RAD50: variants seen among roughly 807,000 people sequenced by gnomAD.
RAD50 encodes the protein DNA repair protein RAD50.
In RAD50, 132 loss-of-function variants were observed where a neutral mutation model predicts 168.8. The ratio of observed to expected loss-of-function variants is 0.78; its 90% CI spans 0.68 to 0.90. The LOEUF is 0.90. Among genes scored for constraint, RAD50 ranks in the 40% least tolerant of loss-of-function variants. The probability of loss-of-function intolerance (pLI) is 0.00; values close to 1 mark genes in which losing one functional copy is unlikely to be tolerated. For missense variants in RAD50, 1,347 were observed against 1,534.4 expected (o/e 0.88, Z 2.04); for synonymous variants, 525 against 497.4 (o/e 1.06, Z -0.74).
chr5:132,641,070 C>T (rs1329580672), intron 24 of RAD50, among the ~76,000 whole-genome samples: 1 of 152,134 alleles, frequency 6.6e-6, no homozygotes, highest in African/African-American at 2.4e-5. Context: ...GGGAGAGAGT[C>T]ACTGTGAGGG....
intron 8 of RAD50, 84 bp from the exon 9 acceptor site, chr5:132,589,547 C>A: frequency 9.3e-7 from 1 of 1,076,606 alleles, no homozygotes; most frequent in Non-Finnish European, 1.3e-6. Context: ...GTATTTTCTT[C>A]AGTGTACATA....
In RAD50 at chr5:132,604,829, C is replaced by A. The variant is rs181961360; in HGVS notation, c.2548C>A (p.Arg850Ser). 4 of 1,611,794 alleles carry A rather than the reference C, an allele frequency of 2.5e-6. No homozygotes were observed. Among genetic ancestry groups the A allele is most frequent in the Non-Finnish European group, 3.4e-6 (4 of 1,178,310 alleles). ...DTVSSKIELN[R>S]KLIQDQQEQI... is the part of the protein sequence containing the mutation. The stretch of plus-strand genomic sequence containing the variant: ...AGTTTCTAGTAAGATTGAATTGAAT[C>A]GTAAGCTTATACAGGACCAGCAGGA... The change falls in exon 16 of 25, where the codon CGT (arginine) becomes AGT (serine). Residue 850 changes from arginine (R) to serine (S), a missense_variant. Physicochemically the swap from Arg to Ser is moderately radical, Grantham distance 110 (BLOSUM62 -1). Around this residue, in one of 3 missense-constraint regions of RAD50, gnomAD observed 635 missense variants for 739.2 expected, o/e 0.86. Coordinates refer to ENST00000378823, the MANE Select transcript of RAD50 (RefSeq NM_005732.4).
intron 9 of RAD50, among the ~76,000 whole-genome samples, chr5:132,590,426 C>T (rs1004543071): frequency 2.6e-5 from 4 of 152,214 alleles, no homozygotes; most frequent in Middle Eastern, 3.4e-3. Context: ...GCCAAGATTG[C>T]GCCACTGCTC....
chr5:132,615,953 A>G, intron 19 of RAD50, 50 bp from the exon 20 acceptor site: 2 of 1,510,318 alleles, frequency 1.3e-6, no homozygotes, highest in Admixed American at 1.7e-5. Flanking sequence ...TACAGATTTC[A>G]TGTTAGTAAC....
chr5:132,578,748 C>T (rs1466475681), intron 3 of RAD50, among the ~76,000 whole-genome samples: 2 of 151,718 alleles, frequency 1.3e-5, no homozygotes, highest in African/African-American at 2.4e-5. Flanking sequence ...TGGCTGGTCT[C>T]GAACTCCTGA....
intron 8 of RAD50, 125 bp from the exon 9 acceptor site, chr5:132,589,506 C>A: frequency 1.4e-6 from 1 of 703,470 alleles, no homozygotes; most frequent in Non-Finnish European, 2.3e-6. Context: ...GGAATATATC[C>A]CTGCTGAGCA....
intron 3 of RAD50, 49 bp downstream of exon 3, chr5:132,575,977 G>A: frequency 6.6e-7 from 1 of 1,519,168 alleles, no homozygotes; most frequent in Non-Finnish European, 9.0e-7. Context: ...CAGTCTTTTA[G>A]GTCTGTAAGT....
chr5:132,597,169 A>G lies in RAD50; in HGVS notation c.2207+1359A>G, dbSNP rs147389787. ...TGAGAAAAGCTCAGGAAGCAGAAAA[A>G]CCAGGAGAGTGAAAGTGATTGTCCT... On this transcript the variant is annotated intron_variant, in intron 13 of 24. Coordinates refer to ENST00000378823, the MANE Select transcript of RAD50 (RefSeq NM_005732.4). Among the ~76,000 whole-genome samples, 18 of 152,234 alleles carry G rather than the reference A, an allele frequency of 1.2e-4. No homozygotes were observed. The East Asian group carries it at 3.5e-3, about 29-fold the overall frequency.
At chr5:132,604,473 G>T (rs1166615341) in intron 15 of RAD50, among the ~76,000 whole-genome samples, 1 of 152,062 alleles carries the variant, frequency 6.6e-6, no homozygotes, top group African/African-American at 2.4e-5. Context: ...CACTGTGTTT[G>T]TCAGGCTGAT....
intron 16 of RAD50, 67 bp downstream of exon 16, chr5:132,605,066 A>G (rs1167672426): frequency 1.6e-6 from 2 of 1,269,916 alleles, no homozygotes; most frequent in Non-Finnish European, 2.1e-6. Flanking sequence ...TTATTTTTTG[A>G]GACAGTCTCG....
intron 2 of RAD50, among the ~76,000 whole-genome samples, chr5:132,563,689 G>A (rs1418755365): frequency 6.6e-6 from 1 of 152,106 alleles, no homozygotes; most frequent in Non-Finnish European, 1.5e-5. Context: ...TTGGGGATTT[G>A]GTAAATACTA....
chr5:132,557,116 C>A lies in RAD50; in HGVS notation c.-209C>A. 1 of 726,510 alleles carries A rather than the reference C, an allele frequency of 1.4e-6. No individual in the cohort carries two copies. Among genetic ancestry groups the A allele is most frequent in the Admixed American group, 2.6e-5 (1 of 38,666 alleles). The allele number at this position is 726,510 out of a possible 1,614,324, so 45.0% of individuals were successfully genotyped here. ...CTCTCCCCACCGGCGGGGAAAGCAGCTGGTGTGGGAGGAAAGGCTCCATCC... is the reference window on the plus strand; with the variant it reads ...CTCTCCCCACCGGCGGGGAAAGCAGATGGTGTGGGAGGAAAGGCTCCATCC... On this transcript the variant is annotated 5_prime_UTR_variant, in exon 1 of 25. The change creates a new upstream start codon in the 5' untranslated region. Transcript: ENST00000378823.
At chr5:132,602,444 A>C (rs1007186794) in intron 13 of RAD50, among the ~76,000 whole-genome samples, 4 of 152,158 alleles carry the variant, frequency 2.6e-5, no homozygotes, top group African/African-American at 9.6e-5. Flanking sequence ...CCTGCCATGG[A>C]GGTGGTAATT....
chr5:132,608,581 A>G, intron 16 of RAD50, 34 bp from the exon 17 acceptor site: 1 of 1,465,748 alleles, frequency 6.8e-7, no homozygotes, highest in Non-Finnish European at 9.2e-7. Context: ...ATAATGGAAT[A>G]TTATATAATA....
chr5:132,590,497 A>C (rs925361161), intron 9 of RAD50, among the ~76,000 whole-genome samples: 6 of 152,292 alleles, frequency 3.9e-5, no homozygotes, highest in African/African-American at 1.4e-4. Context: ...CACTTGCCAA[A>C]GTTTTAAAAA....
At chr5:132,638,262 G>A (rs913649204) in intron 23 of RAD50, 39 bp downstream of exon 23, 4 of 1,611,916 alleles carry the variant, frequency 2.5e-6, no homozygotes, top group Non-Finnish European at 3.4e-6. Flanking sequence ...ACTCACCCAA[G>A]TAACTGAAAG....
intron 13 of RAD50, among the ~76,000 whole-genome samples, chr5:132,601,650 A>C (rs1445823328): frequency 1.3e-5 from 2 of 152,208 alleles, no homozygotes; most frequent in Non-Finnish European, 2.9e-5. Context: ...GTGGTATAAA[A>C]AAAAACTGTA....
chr5:132,572,149 T>C (rs993024604), intron 2 of RAD50, among the ~76,000 whole-genome samples: 33 of 152,136 alleles, frequency 2.2e-4, no homozygotes, highest in Admixed American at 2.1e-3. Flanking sequence ...CATCAATAGA[T>C]ACAGAAAAAG....
Position 132,587,541 on chromosome 5 carries a change from G to A in RAD50, c.757-21G>A, listed in dbSNP as rs746617116. ...GTAAGCTATAGTGAGTTTTATTTATGTAATGTTTCTTTATTTTCAGAATCG... is the reference window on the plus strand; with the variant it reads ...GTAAGCTATAGTGAGTTTTATTTATATAATGTTTCTTTATTTTCAGAATCG... On this transcript the variant is annotated intron_variant, in intron 5 of 24. Transcript: ENST00000378823. 6.8e-6 allele frequency: 11 copies of A among 1,610,938 alleles called. No homozygotes were observed. The East Asian group carries it at 2.2e-4, about 33-fold the overall frequency.
Sources: allele counts gnomAD v4.1 joint callset (sites outside exome capture counted in the v4.1 genomes callset), GRCh38; gene constraint gnomAD v4.1.1; regional missense constraint gnomAD v4.1.1; transcripts MANE v1.5; gene names NCBI Gene and HGNC (gene_info 2026-07-23, HGNC 2026-07-21).